ASXL2: variants seen among roughly 807,000 people sequenced by gnomAD.
The protein encoded by ASXL2 is putative Polycomb group protein ASXL2.
Under a neutral mutation model 122.0 loss-of-function variants are expected in ASXL2, and 23 were observed. That is an observed-to-expected ratio of 0.19 (90% CI 0.14 to 0.27). The LOEUF (loss-of-function observed/expected upper bound fraction) is 0.27. ASXL2 is among the 10% of genes least tolerant of loss of function. The pLI is 1.00. For missense variants in ASXL2, 1,518 were observed against 1,713.8 expected, an observed-to-expected ratio of 0.89 and a Z score of 2.02; for synonymous variants, 650 against 637.0, an observed-to-expected ratio of 1.02 and a Z score of -0.31.
intron 4 of ASXL2, 50 bp downstream of exon 4, chr2:25,806,179 G>T: frequency 8.6e-7 from 1 of 1,159,452 alleles, no homozygotes; most frequent in Non-Finnish European, 1.3e-6. Context: ...ATTTATATGT[G>T]GTCACTTCCT....
At chr2:25,752,273 A>C (rs2088058681) in intron 11 of ASXL2, among the ~76,000 whole-genome samples, 1 of 152,204 alleles carries the variant, frequency 6.6e-6, no homozygotes, top group East Asian at 1.9e-4. Context: ...ATCCTATTTC[A>C]AACAGAACAT....
Position 25,738,623 on chromosome 2 carries a change from T to C in ASXL2, c.*3406A>G, listed in dbSNP as rs911482080. 6.6e-6 allele frequency: 1 copy of C among 152,200 alleles called. No individual in the cohort carries two copies. The highest frequency in any genetic ancestry group is 1.5e-5 in the Non-Finnish European group (1 of 68,056). The allele number at this position is 152,200 out of a possible 1,614,324, so 9.4% of individuals were successfully genotyped here. A position where few individuals can be genotyped will look rare whatever the true frequency, so the allele number is the denominator to read the frequency against. On this transcript the variant is annotated 3_prime_UTR_variant, in exon 13 of 13. Transcript: ENST00000435504. Reference sequence around the variant, plus strand: ...GTCTCCCCACTCCTCACCCCCATTATAGCAAATCACTTCACCAGAGAGTTA... The same window carrying C: ...GTCTCCCCACTCCTCACCCCCATTACAGCAAATCACTTCACCAGAGAGTTA...
chr2:25,854,445 T>C (rs2089754165), intron 1 of ASXL2, among the ~76,000 whole-genome samples: 1 of 152,188 alleles, frequency 6.6e-6, no homozygotes, highest in Non-Finnish European at 1.5e-5. Context: ...GCCTAAGGTT[T>C]TGTCAGCTAA....
intron 3 of ASXL2, among the ~76,000 whole-genome samples, chr2:25,821,468 A>T (rs749583154): frequency 3.9e-4 from 59 of 151,322 alleles, no homozygotes; most frequent in Non-Finnish European, 7.5e-4. Flanking sequence ...AGTTGTTTTT[A>T]AAAAAATATG....
In ASXL2 at chr2:25,750,378, G is replaced by A; in HGVS notation, c.1178C>T (p.Thr393Ile). 11 of 1,608,502 alleles carry A rather than the reference G, an allele frequency of 6.8e-6. No homozygotes were observed. Among genetic ancestry groups the A allele is most frequent in the Non-Finnish European group, 9.3e-6 (11 of 1,178,522 alleles). ...GLSLEDSKKL[T>I]ASPSDPKVKK... Reference sequence around the variant, plus strand: ...TACTTTGGGATCACTGGGAGAAGCTGTCAATTTCTTAGAATCTTCAAGGCT... The same window carrying A: ...TACTTTGGGATCACTGGGAGAAGCTATCAATTTCTTAGAATCTTCAAGGCT... The change falls in exon 12 of 13, where the codon ACA (threonine) becomes ATA (isoleucine). Residue 393 changes from threonine (T) to isoleucine (I), a missense_variant. Thr to Ile is a moderately conservative substitution (Grantham distance 89). Coordinates refer to ENST00000435504, the MANE Select transcript of ASXL2 (RefSeq NM_018263.6).
intron 3 of ASXL2, among the ~76,000 whole-genome samples, chr2:25,815,062 AGTCT>A: frequency 6.6e-6 from 1 of 152,282 alleles, no homozygotes; most frequent in East Asian, 1.9e-4. Context: ...ATCCTACCCT[AGTCT>A]GGCAGTGTTC....
chr2:25,771,921 T>C (rs1279351810), intron 5 of ASXL2, among the ~76,000 whole-genome samples: 2 of 152,186 alleles, frequency 1.3e-5, no homozygotes, highest in Non-Finnish European at 2.9e-5. Context: ...GGGCCTTGGG[T>C]TGGCAGTTTA....
At chr2:25,828,824 C>CAAAAAAAAAAAAAAAAAAAAAAAAA in intron 3 of ASXL2, among the ~76,000 whole-genome samples, 1 of 50,138 alleles carries the variant, frequency 2.0e-5, no homozygotes, top group Non-Finnish European at 3.5e-5. Context: ...GACTGTGTCT[C>CAAAAAAAAAAAAAAAAAAAAAAAAA]AAAAAAAAAA....
intron 1 of ASXL2, among the ~76,000 whole-genome samples, chr2:25,860,970 C>G (rs1323728419): frequency 6.6e-6 from 1 of 152,072 alleles, no homozygotes; most frequent in African/African-American, 2.4e-5. Flanking sequence ...TGAGATCACA[C>G]CACTGCACTC....
intron 3 of ASXL2, among the ~76,000 whole-genome samples, chr2:25,812,644 C>T: frequency 6.6e-6 from 1 of 152,084 alleles, no homozygotes; most frequent in Non-Finnish European, 1.5e-5. Flanking sequence ...TATTTGGGAC[C>T]ACTGATGCAA....
chr2:25,759,372 T>G, intron 9 of ASXL2, 110 bp downstream of exon 9: 2 of 1,221,938 alleles, frequency 1.6e-6, no homozygotes, highest in Non-Finnish European at 2.2e-6. Context: ...ACCTGCCTAT[T>G]AAGAAACTTA....
chr2:25,772,383 C>T (rs1447873011), intron 5 of ASXL2, among the ~76,000 whole-genome samples: 2 of 152,044 alleles, frequency 1.3e-5, no homozygotes, highest in East Asian at 3.9e-4. Context: ...ACTGAAAAGG[C>T]CCAAATAGCA....
intron 5 of ASXL2, among the ~76,000 whole-genome samples, chr2:25,786,600 T>A (rs1378767250): frequency 6.6e-6 from 1 of 152,024 alleles, no homozygotes; most frequent in Non-Finnish European, 1.5e-5. Context: ...ACGCCTGTAA[T>A]CCCAGCACTT....
Position 25,768,854 on chromosome 2 carries a change from T to C in ASXL2, c.519A>G (p.Gln173=). The C allele has an allele frequency of 6.2e-7, 1 of 1,613,648 alleles. No homozygotes were observed. Among genetic ancestry groups the C allele is most frequent in the Non-Finnish European group, 8.5e-7 (1 of 1,179,664 alleles). ...KKALKQALKQ[Q]QQKKQQQQCR... ...ATTGCTGCTGCTGCTTCTTCTGCTG[T>C]TGCTGCTTTAGCGCCTATAAAGATA... The change falls in exon 7 of 13, where the codon CAA becomes CAG. Residue 173 remains glutamine, a synonymous_variant. Coordinates refer to ENST00000435504, the MANE Select transcript of ASXL2 (RefSeq NM_018263.6).
At chr2:25,830,047 A>C (rs1254102625) in intron 3 of ASXL2, among the ~76,000 whole-genome samples, 1 of 152,236 alleles carries the variant, frequency 6.6e-6, no homozygotes, top group Non-Finnish European at 1.5e-5. Context: ...GATCAATAAG[A>C]AGCAGCAGAG....
intron 5 of ASXL2, among the ~76,000 whole-genome samples, chr2:25,781,691 CAG>C (rs2088640931): frequency 7.8e-6 from 1 of 127,656 alleles, no homozygotes; most frequent in Non-Finnish European, 1.6e-5. Flanking sequence ...TTTTTTGAGA[CAG>C]AGTCATTGCT....
chr2:25,767,669 G>A lies in ASXL2; in HGVS notation c.689C>T (p.Ser230Phe). 1 of 1,613,908 alleles carries A rather than the reference G, an allele frequency of 6.2e-7. No homozygotes were observed. The highest frequency in any genetic ancestry group is 8.5e-7 in the Non-Finnish European group (1 of 1,179,848). The change falls in exon 8 of 13, where the codon TCC (serine) becomes TTC (phenylalanine). Residue 230 changes from serine to phenylalanine, a missense_variant. Transcript: ENST00000435504. Reference protein sequence around the residue: ...GQTGSPQNSNSSFSSSVKVEN... With the variant: ...GQTGSPQNSNFSFSSSVKVEN... ...CACTTTAACTGAGGAAGAAAAGCTGGAGTTTGAGTTTTGAGGGCTGCCTGT... is the reference window on the plus strand; with the variant it reads ...CACTTTAACTGAGGAAGAAAAGCTGAAGTTTGAGTTTTGAGGGCTGCCTGT...
intron 1 of ASXL2, among the ~76,000 whole-genome samples, chr2:25,846,229 C>G (rs1441393195): frequency 2.6e-5 from 4 of 152,208 alleles, no homozygotes; most frequent in African/African-American, 9.7e-5. Flanking sequence ...AGAAAATTAT[C>G]TGGGTTTTTC....
At chr2:25,863,776 C>A (rs1166132645) in intron 1 of ASXL2, among the ~76,000 whole-genome samples, 1 of 151,778 alleles carries the variant, frequency 6.6e-6, no homozygotes, top group African/African-American at 2.4e-5. Flanking sequence ...GAGGCCAAAG[C>A]AAGCAGATCA....
Sources: gnomAD v4.1 joint callset for allele counts (sites outside exome capture counted in the v4.1 genomes callset) on GRCh38, gnomAD v4.1.1 for gene constraint, MANE v1.5 for transcripts, NCBI Gene and HGNC (gene_info 2026-07-23, HGNC 2026-07-21) for gene names.